The following CNTN4 variants were observed in gnomAD, a reference collection of about 807,000 sequenced individuals.
CNTN4 encodes the protein contactin 4, also known as contactin-4.
In CNTN4, 77 loss-of-function variants were observed where a neutral mutation model predicts 122.5. The ratio of observed to expected loss-of-function variants is 0.63; its 90% CI spans 0.52 to 0.76. The LOEUF (loss-of-function observed/expected upper bound fraction) is 0.76, where lower values mean the gene tolerates loss of function less well. Among genes scored for constraint, CNTN4 ranks in the 30% least tolerant of loss-of-function variants. The pLI is 0.00. For missense variants in CNTN4, 1,256 were observed against 1,259.1 expected, an observed-to-expected ratio of 1.00 and a Z score of 0.04; for synonymous variants, 512 against 447.0, an observed-to-expected ratio of 1.15 and a Z score of -1.83.
chr3:2,596,628 C>T (rs1464458424), intron 4 of CNTN4, among the ~76,000 whole-genome samples: 5 of 151,884 alleles, frequency 3.3e-5, no homozygotes, highest in African/African-American at 9.7e-5. Flanking sequence ...TTAGGAGTAA[C>T]TTATTTTTAT....
intron 10 of CNTN4, among the ~76,000 whole-genome samples, chr3:2,887,964 GGGA>G (rs1416791825): frequency 7.2e-5 from 11 of 152,150 alleles, no homozygotes; most frequent in Admixed American, 1.3e-4. Flanking sequence ...CCATCTGTCT[GGGA>G]TACAGAAAAC....
At chr3:2,806,243 A>G (rs1393262565) in intron 6 of CNTN4, among the ~76,000 whole-genome samples, 4 of 152,098 alleles carry the variant, frequency 2.6e-5, no homozygotes, top group African/African-American at 9.7e-5. Flanking sequence ...TACTCTAAAC[A>G]CTTTTACAGC....
chr3:2,637,924 T>C (rs1387786145), intron 4 of CNTN4, among the ~76,000 whole-genome samples: 1 of 152,228 alleles, frequency 6.6e-6, no homozygotes, highest in African/African-American at 2.4e-5. Context: ...AGCCAGAATT[T>C]GGAACCCATA....
intron 2 of CNTN4, among the ~76,000 whole-genome samples, chr3:2,310,629 G>C (rs958261832): frequency 6.6e-6 from 1 of 152,016 alleles, no homozygotes; most frequent in Non-Finnish European, 1.5e-5. Context: ...ACCATTACTT[G>C]TTCCCTTTTA....
chr3:2,451,579 A>G (rs1268842395), intron 3 of CNTN4, among the ~76,000 whole-genome samples: 1 of 151,684 alleles, frequency 6.6e-6, no homozygotes, highest in Non-Finnish European at 1.5e-5. Flanking sequence ...CCAGTTTTTT[A>G]TTTTTATCAA....
intron 3 of CNTN4, among the ~76,000 whole-genome samples, chr3:2,440,905 C>A: frequency 1.4e-5 from 2 of 145,538 alleles, no homozygotes; most frequent in Non-Finnish European, 1.5e-5. Flanking sequence ...ATGTATATAA[C>A]AAAAATATAT....
At chr3:2,621,258 A>G (rs1017171463) in intron 4 of CNTN4, among the ~76,000 whole-genome samples, 1 of 152,194 alleles carries the variant, frequency 6.6e-6, no homozygotes, top group African/African-American at 2.4e-5. Flanking sequence ...GCCTCAACAC[A>G]TTCTGGAAGG....
At chr3:2,306,852 T>G (rs2042726560) in intron 2 of CNTN4, among the ~76,000 whole-genome samples, 1 of 151,838 alleles carries the variant, frequency 6.6e-6, no homozygotes, top group African/African-American at 2.4e-5. Flanking sequence ...TTTATTAAAT[T>G]TGTTCCTAAG....
intron 8 of CNTN4, among the ~76,000 whole-genome samples, chr3:2,875,647 C>G (rs568988579): frequency 3.4e-4 from 52 of 152,102 alleles, no homozygotes; most frequent in Non-Finnish European, 4.7e-4. Context: ...TATTTTCTGG[C>G]CTTTTACAGA....
intron 13 of CNTN4, among the ~76,000 whole-genome samples, chr3:2,939,181 C>G (rs1374484338): frequency 1.3e-5 from 2 of 152,188 alleles, no homozygotes; most frequent in Non-Finnish European, 2.9e-5. Context: ...TAGATCTCTA[C>G]TAGTAAATAT....
At chr3:2,514,473 A>T (rs1395604813) in intron 3 of CNTN4, among the ~76,000 whole-genome samples, 2 of 91,344 alleles carry the variant, frequency 2.2e-5, no homozygotes, top group South Asian at 2.8e-4. Flanking sequence ...CTCTGTCTTT[A>T]AAAAAAAAAA....
rs528579211 is a variant in CNTN4 at position 2,886,426 on chromosome 3, GA to G, written c.756-610del. On this transcript the variant is annotated intron_variant, in intron 9 of 24. Transcript: ENST00000418658. ...AAAAAAAAATATATTAAAAAAAAAA[GA>G]AAAGCAAAAAACATATGAGGAAACA... Among the ~76,000 whole-genome samples the G allele has an allele frequency of 3.6e-3, 522 of 145,294 alleles. 1 individual carries two copies. Among genetic ancestry groups the G allele is most frequent in the South Asian group, 0.018 (79 of 4,504 alleles).
chr3:2,431,679 G>A (rs566756722), intron 3 of CNTN4, among the ~76,000 whole-genome samples: 73 of 152,300 alleles, frequency 4.8e-4, no homozygotes, highest in African/African-American at 1.6e-3. Flanking sequence ...AAAGAAACAT[G>A]CTGGCCCTGA....
intron 12 of CNTN4, among the ~76,000 whole-genome samples, chr3:2,922,209 T>A (rs1312803485): frequency 6.6e-6 from 1 of 152,236 alleles, no homozygotes; most frequent in South Asian, 2.1e-4. Flanking sequence ...TGTGCACTAA[T>A]TTTTTAAGTG....
chr3:2,663,992 G>C (rs2084028986), intron 4 of CNTN4, among the ~76,000 whole-genome samples: 1 of 152,164 alleles, frequency 6.6e-6, no homozygotes, highest in Admixed American at 6.5e-5. Context: ...GGCATTGAGA[G>C]GTAGGTGGGG....
At chr3:2,746,390 C>T (rs189575078) in intron 6 of CNTN4, among the ~76,000 whole-genome samples, 15 of 151,966 alleles carry the variant, frequency 9.9e-5, no homozygotes, top group Non-Finnish European at 2.2e-4. Context: ...CACCATTTAA[C>T]AAAAGTCCAT....
intron 2 of CNTN4, among the ~76,000 whole-genome samples, chr3:2,199,852 G>A (rs2038015795): frequency 6.6e-6 from 1 of 152,110 alleles, no homozygotes; most frequent in Non-Finnish European, 1.5e-5. Flanking sequence ...CACCAATGAA[G>A]GTTAAGGACG....
intron 2 of CNTN4, among the ~76,000 whole-genome samples, chr3:2,335,323 G>GCTAC (rs1203473008): frequency 6.6e-6 from 1 of 151,624 alleles, no homozygotes; most frequent in Non-Finnish European, 1.5e-5. Flanking sequence ...TATAATGATA[G>GCTAC]CATTTATTTT....
chr3:2,216,080 G>A (rs537136784), intron 2 of CNTN4, among the ~76,000 whole-genome samples: 3 of 152,090 alleles, frequency 2.0e-5, no homozygotes, highest in African/African-American at 7.2e-5. Flanking sequence ...AAAGACACAT[G>A]CACACGAATG....
Sources: allele counts gnomAD v4.1 joint callset (sites outside exome capture counted in the v4.1 genomes callset), GRCh38; gene constraint gnomAD v4.1.1; transcripts MANE v1.5; gene names NCBI Gene and HGNC (gene_info 2026-07-23, HGNC 2026-07-21).